Variants in LIFR observed in about 807,000 individuals in gnomAD.
The protein encoded by LIFR is LIF receptor subunit alpha.
LIFR carries 84 observed loss-of-function variants against 122.2 expected under a neutral mutation model. The ratio of observed to expected loss-of-function variants is 0.69; its 90% CI spans 0.58 to 0.82. The LOEUF (loss-of-function observed/expected upper bound fraction) is 0.82, where lower values mean the gene tolerates loss of function less well. Ranked by LOEUF, LIFR falls within the 40% of genes least tolerant of loss-of-function variation. The pLI, the probability that LIFR is intolerant of heterozygous loss-of-function variation, is 0.00. For missense variants in LIFR, 1,294 were observed against 1,311.6 expected (o/e 0.99, Z 0.21); for synonymous variants, 422 against 434.7 (o/e 0.97, Z 0.36).
intron 1 of LIFR, among the ~76,000 whole-genome samples, chr5:38,553,136 C>T (rs1452247422): frequency 2.0e-5 from 3 of 152,214 alleles, no homozygotes; most frequent in Admixed American, 2.0e-4. Flanking sequence ...CTCTGTCCCT[C>T]AGGTATGCAA....
upstream of LIFR, among the ~76,000 whole-genome samples, chr5:38,598,239 TTA>T (rs1561235504): frequency 8.6e-4 from 26 of 30,368 alleles, no homozygotes; most frequent in African/African-American, 3.0e-3. Context: ...TTTTATTTAT[TTA>T]TTTATTTTTT....
intron 4 of LIFR, among the ~76,000 whole-genome samples, chr5:38,524,738 T>C (rs749495449): frequency 6.6e-6 from 1 of 151,996 alleles, no homozygotes; most frequent in Non-Finnish European, 1.5e-5. Context: ...AGTGTAGTGG[T>C]AGAAAAGAGC....
chr5:38,607,510 T>C (rs1249284952), intron 1 of LIFR: 1 of 134,094 alleles, frequency 7.5e-6, no homozygotes, highest in Non-Finnish European at 1.7e-5. Context: ...CTCTCTCATA[T>C]GCACTCTCTC....
chr5:38,549,011 T>C (rs1748048368), intron 1 of LIFR, among the ~76,000 whole-genome samples: 1 of 152,150 alleles, frequency 6.6e-6, no homozygotes, highest in Admixed American at 6.5e-5. Context: ...TGGATATTAT[T>C]ATCCCCATTT....
At chr5:38,501,087 A>G (rs1465469775) in intron 11 of LIFR, among the ~76,000 whole-genome samples, 4 of 152,172 alleles carry the variant, frequency 2.6e-5, no homozygotes, top group African/African-American at 9.6e-5. Context: ...CAGCCTCATG[A>G]AAGACTCCAA....
upstream of LIFR, among the ~76,000 whole-genome samples, chr5:38,600,197 G>C (rs115065753): frequency 6.6e-5 from 10 of 152,096 alleles, no homozygotes; most frequent in African/African-American, 2.4e-4. Flanking sequence ...CACCTTTCCA[G>C]ACTGAACCAG....
At chr5:38,507,598 T>C (rs1745563493) in intron 7 of LIFR, among the ~76,000 whole-genome samples, 2 of 150,498 alleles carry the variant, frequency 1.3e-5, no homozygotes. Context: ...AAATTAAAAG[T>C]CTGCAGTCTG....
chr5:38,552,909 G>A (rs1748279629), intron 1 of LIFR, among the ~76,000 whole-genome samples: 1 of 152,202 alleles, frequency 6.6e-6, no homozygotes, highest in Non-Finnish European at 1.5e-5. Flanking sequence ...ATGTGATGAA[G>A]GTGGTTCCTG....
chr5:38,484,365 A>G (rs1744161549), intron 18 of LIFR, among the ~76,000 whole-genome samples: 1 of 152,220 alleles, frequency 6.6e-6, no homozygotes, highest in African/African-American at 2.4e-5. Flanking sequence ...CCCCCTTCAC[A>G]TGGAAGAGGT....
Position 38,479,474 on chromosome 5 carries a change from G to C in LIFR, c.*2121C>G, listed in dbSNP as rs979920823. 1 of 231,060 alleles carries C rather than the reference G, an allele frequency of 4.3e-6. No homozygotes were observed. The highest frequency in any genetic ancestry group is 2.2e-5 in the African/African-American group (1 of 45,228). The allele number at this position is 231,060 out of a possible 1,614,324, so 14.3% of individuals were successfully genotyped here. On this transcript the variant is annotated 3_prime_UTR_variant, in exon 20 of 20. Coordinates refer to ENST00000453190, the MANE Select transcript of LIFR (RefSeq NM_001127671.2). The stretch of plus-strand genomic sequence containing the variant: ...ATGAGTCGTTATATAGGTTAGAAAG[G>C]GCCCTGGATCCAGATGGTCACAGTT...
At chr5:38,516,824 T>C (rs1240381857) in intron 5 of LIFR, among the ~76,000 whole-genome samples, 1 of 152,046 alleles carries the variant, frequency 6.6e-6, no homozygotes, top group Non-Finnish European at 1.5e-5. Flanking sequence ...CCATCAATGA[T>C]AGACTGGATG....
upstream of LIFR, among the ~76,000 whole-genome samples, chr5:38,599,314 T>A (rs938680398): frequency 6.6e-6 from 1 of 152,214 alleles, no homozygotes. Context: ...GCATTTTCAA[T>A]AGAGTGACCC....
intron 1 of LIFR, among the ~76,000 whole-genome samples, chr5:38,547,613 T>A (rs1455043533): frequency 6.6e-6 from 1 of 151,320 alleles, no homozygotes; most frequent in East Asian, 1.9e-4. Context: ...TTGCCAACTT[T>A]AAAAAAAAAG....
intron 1 of LIFR, among the ~76,000 whole-genome samples, chr5:38,566,895 A>AT (rs767942097): frequency 1.6e-3 from 248 of 152,328 alleles, no homozygotes; most frequent in Non-Finnish European, 2.7e-3. Context: ...GATTTGTAGC[A>AT]TTTGACATTT....
intron 18 of LIFR, among the ~76,000 whole-genome samples, chr5:38,483,585 A>C (rs951135050): frequency 6.6e-6 from 1 of 151,914 alleles, no homozygotes; most frequent in Non-Finnish European, 1.5e-5. Context: ...ACGTGCCACT[A>C]TGCTCAGCTA....
At chr5:38,592,121 A>AT (rs1433137574) in intron 1 of LIFR, among the ~76,000 whole-genome samples, 1 of 152,100 alleles carries the variant, frequency 6.6e-6, no homozygotes, top group African/African-American at 2.4e-5. Context: ...TCTCCTTTTC[A>AT]TGCCTTAAAG....
Position 38,523,511 on chromosome 5 carries a change from A to T in LIFR, c.469T>A (p.Trp157Arg). The T allele has an allele frequency of 6.2e-7, 1 of 1,613,270 alleles. No homozygotes were observed. Among genetic ancestry groups the T allele is most frequent in the African/African-American group, 1.3e-5 (1 of 75,028 alleles). The change falls in exon 5 of 20, where the codon TGG becomes AGG. Residue 157 changes from tryptophan to arginine, a missense_variant. Coordinates refer to ENST00000453190, the MANE Select transcript of LIFR (RefSeq NM_001127671.2). ...GGAAAAACTGAACCCCTGTCGTTCC[A>T]CTTTAGGTATAATGTAGAGGTTGAG... ...DFSTSTLYLK[W>R]NDRGSVFPHR...
chr5:38,512,056 A>G, intron 5 of LIFR, 92 bp from the exon 6 acceptor site: 2 of 1,208,796 alleles, frequency 1.7e-6, no homozygotes, highest in Non-Finnish European at 2.4e-6. Flanking sequence ...ATTCCATACA[A>G]TCATCAGCTA....
chr5:38,540,476 C>T (rs181074934), intron 1 of LIFR, among the ~76,000 whole-genome samples: 6 of 152,306 alleles, frequency 3.9e-5, no homozygotes, highest in Non-Finnish European at 7.4e-5. Context: ...TACTGTTCTC[C>T]TTCCAACTCT....
Sources: allele counts gnomAD v4.1 joint callset (sites outside exome capture counted in the v4.1 genomes callset), GRCh38; gene constraint gnomAD v4.1.1; transcripts MANE v1.5; gene names NCBI Gene and HGNC (gene_info 2026-07-23, HGNC 2026-07-21).